The following TAF4 variants were observed in gnomAD, a reference collection of about 807,000 sequenced individuals.
The protein encoded by TAF4 is TATA-box binding protein associated factor 4, also known as transcription initiation factor TFIID subunit 4.
Under a neutral mutation model 90.3 loss-of-function variants are expected in TAF4, and 9 were observed. The ratio of observed to expected loss-of-function variants is 0.10; its 90% CI spans 0.06 to 0.17. The LOEUF is 0.17. Ranked by LOEUF, TAF4 falls within the 10% of genes least tolerant of loss-of-function variation. TAF4 has a pLI of 1.00. For synonymous variants in TAF4, 818 were observed against 638.9 expected (o/e 1.28, Z -4.23); for missense variants, 1,351 against 1,370.7 (o/e 0.99, Z 0.23).
intron 1 of TAF4, among the ~76,000 whole-genome samples, chr20:62,030,296 G>A (rs1878327775): frequency 2.0e-5 from 3 of 152,344 alleles, no homozygotes; most frequent in Admixed American, 6.5e-5. Flanking sequence ...TGGATAGGAC[G>A]ACACAGCAGC....
chr20:62,019,930 C>T (rs1003492953), intron 1 of TAF4, among the ~76,000 whole-genome samples: 1 of 152,236 alleles, frequency 6.6e-6, no homozygotes, highest in Admixed American at 6.5e-5. Context: ...CCGCAGGCCG[C>T]CCCGCACTCT....
rs2055749559 is a variant in TAF4 at position 62,006,862 on chromosome 20, A to G, written c.1975-104T>C. The G allele has an allele frequency of 2.2e-6, 3 of 1,383,392 alleles. No homozygotes were observed. The highest frequency in any genetic ancestry group is 2.8e-6 in the Non-Finnish European group (3 of 1,057,570). The allele number at this position is 1,383,392 out of a possible 1,614,324, so 85.7% of individuals were successfully genotyped here. The stretch of plus-strand genomic sequence containing the variant: ...AACTTTTACAGAAAGCTTTTGAGCT[A>G]AGTAAGATGGATCTTGGCCCTCACG... On this transcript the variant is annotated intron_variant, in intron 6 of 14. Transcript: ENST00000252996. The surrounding 1 kb of genome is among the most constrained non-coding windows in gnomAD (Gnocchi z 7.0).
intron 1 of TAF4, among the ~76,000 whole-genome samples, chr20:62,036,263 G>T (rs921905936): frequency 6.6e-6 from 1 of 152,230 alleles, no homozygotes; most frequent in Non-Finnish European, 1.5e-5. Context: ...GACCTCAGGT[G>T]ATCCACCCGC....
At chr20:62,040,104 GCAATCCCACCCCTA>G (rs2055955422) in intron 1 of TAF4, among the ~76,000 whole-genome samples, 4 of 152,202 alleles carry the variant, frequency 2.6e-5, no homozygotes, top group African/African-American at 4.8e-5. Flanking sequence ...GCCATATTCA[GCAATCCCACCCCTA>G]GTTATCTACC....
intron 14 of TAF4, among the ~76,000 whole-genome samples, chr20:61,979,917 C>T (rs1467848160): frequency 1.3e-5 from 2 of 152,368 alleles, no homozygotes; most frequent in Non-Finnish European, 2.9e-5. Flanking sequence ...CATGTGCAGG[C>T]GCAATGGCGC....
Position 62,012,838 on chromosome 20 carries a change from G to A in TAF4, c.1618C>T (p.Leu540=), listed in dbSNP as rs759774238. Residue 540 remains leucine (L), a synonymous_variant, in exon 3 of 15, where the codon CTG becomes TTG. Transcript: ENST00000252996. ...ACCTGGACGCCGGGCGAGCGCTGCA[G>A]GGTTGCACTGGGCTGCACCGTTGTC... The part of the protein sequence containing the change: ...AQTTVQPSAT[L]QRSPGVQPQL... The A allele has an allele frequency of 1.7e-5, 28 of 1,613,842 alleles. 1 individual carries two copies. In the South Asian group the frequency reaches 3.1e-4, roughly 18 times the overall value.
intron 9 of TAF4, among the ~76,000 whole-genome samples, chr20:62,001,089 C>T (rs1438809299): frequency 3.3e-5 from 5 of 152,216 alleles, no homozygotes; most frequent in African/African-American, 1.2e-4. Context: ...TTTAAAGGCT[C>T]AGAAGTTGGA....
Position 61,982,713 on chromosome 20 carries a change from A to G in TAF4, c.3091-6378T>C, listed in dbSNP as rs1268649767. The stretch of plus-strand genomic sequence containing the variant: ...AGACACCAAACCCACACCCCACCCG[A>G]GAGGAGACACCAAACCCAATGCACT... On this transcript the variant is annotated intron_variant, in intron 14 of 14. Coordinates refer to ENST00000252996, the MANE Select transcript of TAF4 (RefSeq NM_003185.4). 2.0e-5 allele frequency among the ~76,000 whole-genome samples: 3 copies of G among 151,248 alleles called. No individual in the cohort carries two copies. The East Asian group carries it at 5.9e-4, about 30-fold the overall frequency.
chr20:62,014,016 G>C (rs1366619898), intron 2 of TAF4, among the ~76,000 whole-genome samples: 2 of 119,554 alleles, frequency 1.7e-5, no homozygotes, highest in Non-Finnish European at 3.3e-5. Flanking sequence ...ACGCGGGGGT[G>C]TGGGTGTGTG....
chr20:62,031,053 T>C (rs996005697), intron 1 of TAF4, among the ~76,000 whole-genome samples: 15 of 152,230 alleles, frequency 9.9e-5, no homozygotes, highest in African/African-American at 3.6e-4. Context: ...CGGCTTTAGG[T>C]GAAAGGCTTC....
intron 4 of TAF4, among the ~76,000 whole-genome samples, chr20:62,009,451 G>A (rs1224730209): frequency 6.6e-6 from 1 of 152,212 alleles, no homozygotes; most frequent in Non-Finnish European, 1.5e-5. Context: ...GAGACTCTGC[G>A]AAGATGCCTG....
At position 62,065,822 on chromosome 20, in the gene TAF4, GGCCGCCGCCGCC is replaced by G; in HGVS notation, c.-24_-13del. On this transcript the variant is annotated 5_prime_UTR_variant, in exon 1 of 15. Transcript: ENST00000252996. ...GAGCCCGCCGCCATCTTTTTTCCTC[GGCCGCCGCCGCC>G]GCCGCCGCTCGGGCCGAGCGCGCCT... The G allele has an allele frequency of 7.9e-7, 1 of 1,266,886 alleles. No homozygotes were observed. The allele number at this position is 1,266,886 out of a possible 1,614,324, so 78.5% of individuals were successfully genotyped here.
intron 14 of TAF4, among the ~76,000 whole-genome samples, chr20:61,991,562 G>GC (rs1251343467): frequency 1.3e-5 from 2 of 151,978 alleles, no homozygotes; most frequent in Non-Finnish European, 1.5e-5. Context: ...TCACACCACT[G>GC]CACTCCAGCA....
At chr20:62,031,388 G>C (rs140725788) in intron 1 of TAF4, among the ~76,000 whole-genome samples, 44 of 152,338 alleles carry the variant, frequency 2.9e-4, no homozygotes, top group African/African-American at 9.1e-4. Flanking sequence ...TCGACACTTT[G>C]CTAAACCTCA....
At chr20:61,981,597 A>T (rs2123093828) in intron 14 of TAF4, among the ~76,000 whole-genome samples, 1 of 152,316 alleles carries the variant, frequency 6.6e-6, no homozygotes, top group Middle Eastern at 3.4e-3. Flanking sequence ...GGAACCTACG[A>T]AAGGCAGGAA....
At position 62,003,873 on chromosome 20, in the gene TAF4, G is replaced by A. The variant is rs369202948; in HGVS notation, c.2229C>T (p.Ile743=). 7.0e-6 allele frequency: 11 copies of A among 1,570,620 alleles called. No individual in the cohort carries two copies. Among genetic ancestry groups the A allele is most frequent in the Non-Finnish European group, 9.5e-6 (11 of 1,160,658 alleles). The change falls in exon 8 of 15, where the codon ATC becomes ATT. Residue 743 remains isoleucine, a synonymous_variant. Coordinates refer to ENST00000252996, the MANE Select transcript of TAF4 (RefSeq NM_003185.4). ...GGGCTCCTGGCTTCGGAGGCTGCTG[G>A]ATGACCTGAGGCAGAGCCAGCAGAG... ...GKQGQPTPLV[I]QQPPKPGALI... is the part of the protein sequence containing the mutation.
intron 1 of TAF4, among the ~76,000 whole-genome samples, chr20:62,036,285 G>A (rs780229662): frequency 1.3e-4 from 20 of 152,158 alleles, no homozygotes; most frequent in Non-Finnish European, 2.8e-4. Context: ...TCGGCCTCCC[G>A]AAGTGCTGGG....
intron 1 of TAF4, among the ~76,000 whole-genome samples, chr20:62,025,242 T>G (rs909641193): frequency 3.3e-5 from 5 of 152,226 alleles, no homozygotes; most frequent in African/African-American, 7.2e-5. Flanking sequence ...CCAAGCAGTT[T>G]TATTTCTGAT....
chr20:61,982,031 ACCCAC>A, intron 14 of TAF4, among the ~76,000 whole-genome samples: 1 of 146,448 alleles, frequency 6.8e-6, no homozygotes, highest in East Asian at 2.7e-4. Flanking sequence ...GAGACATCAA[ACCCAC>A]ACCCCACCCA....
Sources: allele counts gnomAD v4.1 joint callset (sites outside exome capture counted in the v4.1 genomes callset), GRCh38; gene constraint gnomAD v4.1.1; non-coding constraint Gnocchi (gnomAD v3.1); transcripts MANE v1.5; gene names NCBI Gene and HGNC (gene_info 2026-07-23, HGNC 2026-07-21).